FBXW2: variants seen among roughly 807,000 people sequenced by gnomAD.
FBXW2 encodes the protein F-box/WD repeat-containing protein 2.
FBXW2 carries 12 observed loss-of-function variants against 46.0 expected under a neutral mutation model. The ratio of observed to expected loss-of-function variants is 0.26; its 90% CI spans 0.17 to 0.42. The LOEUF (loss-of-function observed/expected upper bound fraction) is 0.42. FBXW2 is among the 10% of genes least tolerant of loss of function. The pLI, the probability that FBXW2 is intolerant of heterozygous loss-of-function variation, is 1.00. For missense variants in FBXW2, 360 were observed against 537.0 expected, an observed-to-expected ratio of 0.67 and a Z score of 3.26; for synonymous variants, 203 against 209.6, an observed-to-expected ratio of 0.97 and a Z score of 0.27.
intron 7 of FBXW2, among the ~76,000 whole-genome samples, chr9:120,768,549 G>A (rs935938506): frequency 5.3e-5 from 8 of 152,154 alleles, no homozygotes; most frequent in Admixed American, 1.3e-4. Context: ...CTAGGAAGCC[G>A]GGTGCGGTGG....
At position 120,788,105 on chromosome 9, in the gene FBXW2, G is replaced by A; in HGVS notation, c.154C>T (p.Leu52Phe). 1 of 1,614,176 alleles carries A rather than the reference G, an allele frequency of 6.2e-7. No homozygotes were observed. The highest frequency in any genetic ancestry group is 8.5e-7 in the Non-Finnish European group (1 of 1,180,028). ...AGGAGTTTGAGGAAGTCCCGCTTGA[G>A]GAGAGTCTCTAGGTTATTGGAGAGA... Reference protein sequence around the residue: ...RHLSNNLETLLKRDFLKLLPL... With the variant: ...RHLSNNLETLFKRDFLKLLPL... Residue 52 changes from leucine (L) to phenylalanine (F), a missense_variant, in exon 3 of 8, where the codon CTC becomes TTC. Coordinates refer to ENST00000608872, the MANE Select transcript of FBXW2 (RefSeq NM_012164.4).
chr9:120,769,941 C>T lies in FBXW2; in HGVS notation c.1076+1407G>A, dbSNP rs61020305. ...TAACTGATTCTGACAGCTCTGAAAC[C>T]TAACTGGTTAGAAATGTTGGTCTGA... On this transcript the variant is annotated intron_variant, in intron 7 of 7. Coordinates refer to ENST00000608872, the MANE Select transcript of FBXW2 (RefSeq NM_012164.4). 2.6e-3 allele frequency among the ~76,000 whole-genome samples: 395 copies of T among 152,268 alleles called. 1 individual carries two copies. Among genetic ancestry groups the T allele is most frequent in the Non-Finnish European group, 4.1e-3 (281 of 68,024 alleles).
At chr9:120,787,509 T>G (rs1303408929) in intron 3 of FBXW2, among the ~76,000 whole-genome samples, 1 of 152,156 alleles carries the variant, frequency 6.6e-6, no homozygotes, top group East Asian at 1.9e-4. Flanking sequence ...AAAGAAAAAG[T>G]AATCTATAGC....
intron 3 of FBXW2, among the ~76,000 whole-genome samples, chr9:120,785,136 G>A (rs2044693599): frequency 6.6e-6 from 1 of 151,438 alleles, no homozygotes; most frequent in South Asian, 2.1e-4. Context: ...AGTCTCCCAA[G>A]TAGTTGGGAC....
chr9:120,773,859 C>G (rs2044432261), intron 5 of FBXW2, among the ~76,000 whole-genome samples: 1 of 152,206 alleles, frequency 6.6e-6, no homozygotes, highest in Non-Finnish European at 1.5e-5. Flanking sequence ...TTTTCCACAA[C>G]ACCAAACTGC....
Position 120,764,706 on chromosome 9 carries a change from G to A in FBXW2, c.1218C>T (p.Tyr406=), listed in dbSNP as rs759441220. The A allele has an allele frequency of 7.4e-6, 12 of 1,614,048 alleles. No homozygotes were observed. Among genetic ancestry groups the A allele is most frequent in the Middle Eastern group, 1.6e-4 (1 of 6,084 alleles). Reference sequence around the variant, plus strand: ...AGCTTGAGCCTCTCTTTGATTTCCTGTACTCTGGCAGAGGCCAGCGACTAA... The same window carrying A: ...AGCTTGAGCCTCTCTTTGATTTCCTATACTCTGGCAGAGGCCAGCGACTAA... The part of the protein sequence containing the change: ...SLISRWPLPE[Y]RKSKRGSSFL... Residue 406 remains tyrosine (Y), a synonymous_variant, in exon 8 of 8, where the codon TAC becomes TAT. Coordinates refer to ENST00000608872, the MANE Select transcript of FBXW2 (RefSeq NM_012164.4).
intron 3 of FBXW2, among the ~76,000 whole-genome samples, chr9:120,784,852 A>T (rs545965120): frequency 1.3e-3 from 196 of 145,602 alleles, no homozygotes; most frequent in African/African-American, 4.8e-3. Flanking sequence ...ACCCAGGAGG[A>T]GGAGGTTGCA....
chr9:120,784,786 T>C (rs2044685114), intron 3 of FBXW2, among the ~76,000 whole-genome samples: 1 of 151,612 alleles, frequency 6.6e-6, no homozygotes, highest in South Asian at 2.1e-4. Flanking sequence ...CGGGCTGTGG[T>C]GGCGCGTGCC....
intron 7 of FBXW2, among the ~76,000 whole-genome samples, chr9:120,769,108 T>C (rs28540383): frequency 5.9e-5 from 9 of 152,236 alleles, no homozygotes; most frequent in African/African-American, 1.7e-4. Flanking sequence ...TTACATGCTG[T>C]AGAGATAACC....
At chr9:120,773,469 A>T (rs2044423871) in intron 5 of FBXW2, among the ~76,000 whole-genome samples, 1 of 152,242 alleles carries the variant, frequency 6.6e-6, no homozygotes, top group African/African-American at 2.4e-5. Flanking sequence ...CTTGATCTTT[A>T]AAACAGGAGA....
rs540805780 is a variant in FBXW2 at position 120,783,098 on chromosome 9, C to T, written c.491-4553G>A. 5.3e-5 allele frequency among the ~76,000 whole-genome samples: 8 copies of T among 151,044 alleles called. No homozygotes were observed. In the East Asian group the frequency reaches 9.7e-4, roughly 18 times the overall value. On this transcript the variant is annotated intron_variant, in intron 3 of 7. Coordinates refer to ENST00000608872, the MANE Select transcript of FBXW2 (RefSeq NM_012164.4). ...ATTTTATGTTATGTATGTTTTCGCA[C>T]AATTTGCAAAAAAAAAGGTTATCCA...
intron 3 of FBXW2, among the ~76,000 whole-genome samples, chr9:120,781,591 GACAA>G (rs1328255296): frequency 6.8e-6 from 1 of 147,146 alleles, no homozygotes; most frequent in Non-Finnish European, 1.5e-5. Flanking sequence ...CAGGGGAGAG[GACAA>G]ACAAAATGTG....
At chr9:120,774,851 C>T (rs1233006962) in intron 5 of FBXW2, among the ~76,000 whole-genome samples, 1 of 152,182 alleles carries the variant, frequency 6.6e-6, no homozygotes, top group Non-Finnish European at 1.5e-5. Context: ...GGATTACCAC[C>T]TCTCTGCCCA....
At chr9:120,793,069 C>T in intron 2 of FBXW2, 80 bp downstream of exon 2, 2 of 957,782 alleles carry the variant, frequency 2.1e-6, no homozygotes, top group Admixed American at 4.2e-5. Context: ...GTTTTCCCGT[C>T]TCTAAAATCC....
intron 4 of FBXW2, chr9:120,776,761 G>A (rs573998604): frequency 6.4e-4 from 98 of 153,292 alleles, no homozygotes; most frequent in African/African-American, 1.7e-3. Flanking sequence ...TATCCCCAGC[G>A]CCAAAAACAG....
At chr9:120,777,785 G>A (rs2044529466) in intron 4 of FBXW2, among the ~76,000 whole-genome samples, 1 of 135,004 alleles carries the variant, frequency 7.4e-6, no homozygotes, top group Non-Finnish European at 1.5e-5. Context: ...ACCAGTTTTT[G>A]CAAAATAAGG....
At position 120,772,840 on chromosome 9, in the gene FBXW2, C is replaced by T. The variant is rs751835636; in HGVS notation, c.820G>A (p.Val274Ile). Residue 274 changes from valine (V) to isoleucine (I), a missense_variant and splice_region_variant, in exon 6 of 8, where the codon GTA (valine) becomes ATA (isoleucine). By Grantham distance (29) the Val-to-Ile change is conservative (BLOSUM62 3). Coordinates refer to ENST00000608872, the MANE Select transcript of FBXW2 (RefSeq NM_012164.4). ...TTGACTTTGCACTTCTGCAAAACTA[C>T]CTGCAAATGTAAACCATGTTACGGA... ...LTGHTEWVTK[V>I]VLQKCKVKSL... 2 of 1,605,834 alleles carry T rather than the reference C, an allele frequency of 1.2e-6. No individual in the cohort carries two copies. The highest frequency in any genetic ancestry group is 2.2e-5 in the South Asian group (2 of 90,716).
intron 4 of FBXW2, 48 bp from the exon 5 acceptor site, chr9:120,776,274 T>C: frequency 6.3e-7 from 1 of 1,592,602 alleles, no homozygotes; most frequent in Non-Finnish European, 8.6e-7. Context: ...TGTCAGTGGG[T>C]CTTTTATAAT....
chr9:120,787,328 C>T (rs1192670485), intron 3 of FBXW2, among the ~76,000 whole-genome samples: 1 of 152,210 alleles, frequency 6.6e-6, no homozygotes, highest in Non-Finnish European at 1.5e-5. Context: ...TGCGCCCGAC[C>T]TCCTTTCCCA....
Sources: allele counts gnomAD v4.1 joint callset (sites outside exome capture counted in the v4.1 genomes callset), GRCh38; gene constraint gnomAD v4.1.1; transcripts MANE v1.5; gene names NCBI Gene and HGNC (gene_info 2026-07-23, HGNC 2026-07-21).